RTN4RL1: variants seen among roughly 807,000 people sequenced by gnomAD.
RTN4RL1 encodes reticulon 4 receptor like 1.
RTN4RL1 carries 7 observed loss-of-function variants against 25.6 expected under a neutral mutation model. The observed-to-expected ratio is 0.27, with a 90% CI of 0.16 to 0.51. RTN4RL1 has a LOEUF of 0.51. RTN4RL1 is among the 20% of genes least tolerant of loss of function. The pLI is 0.97. For synonymous variants in RTN4RL1, 297 were observed against 288.2 expected (o/e 1.03, Z -0.31); for missense variants, 500 against 615.6 (o/e 0.81, Z 1.99).
intron 1 of RTN4RL1, among the ~76,000 whole-genome samples, chr17:1,986,231 C>A (rs188191952): frequency 6.6e-6 from 1 of 152,024 alleles, no homozygotes; most frequent in East Asian, 1.9e-4. Context: ...GTGAAGGACT[C>A]GGTGAGGATT....
intron 1 of RTN4RL1, among the ~76,000 whole-genome samples, chr17:1,946,626 G>A (rs960477473): frequency 7.4e-5 from 11 of 149,456 alleles, no homozygotes; most frequent in Admixed American, 2.0e-4. Flanking sequence ...CTGTGTGCAC[G>A]TGTGTCTGTG....
chr17:1,959,358 G>A (rs554751495), intron 1 of RTN4RL1, among the ~76,000 whole-genome samples: 3 of 152,268 alleles, frequency 2.0e-5, no homozygotes, highest in Non-Finnish European at 4.4e-5. Context: ...GACACAGTTG[G>A]CCCTCCCCTC....
intron 1 of RTN4RL1, among the ~76,000 whole-genome samples, chr17:1,997,749 C>G (rs560243483): frequency 3.3e-5 from 5 of 152,234 alleles, no homozygotes; most frequent in Non-Finnish European, 5.9e-5. Context: ...ATCCAAGCCC[C>G]TGCTGGCTTT....
rs1232121688 is a variant in RTN4RL1, at chr17:1,943,877, T to C, written c.14-6069A>G. Among the ~76,000 whole-genome samples the C allele has an allele frequency of 2.6e-5, 4 of 152,156 alleles. No individual in the cohort carries two copies. The East Asian group carries it at 7.7e-4, about 29-fold the overall frequency. ...GGGCAGGGGCTCCTTGTCCATGGCA[T>C]AGGGCATTGGAAAGAGCACAAGCTT... On this transcript the variant is annotated intron_variant, in intron 1 of 1. Transcript: ENST00000331238.
intron 1 of RTN4RL1, among the ~76,000 whole-genome samples, chr17:2,011,258 A>C (rs1331347915): frequency 6.6e-6 from 1 of 152,238 alleles, no homozygotes; most frequent in Non-Finnish European, 1.5e-5. Context: ...TCTCAAAAAA[A>C]TAAAATGAAA....
At chr17:1,965,950 C>T (rs981228781) in intron 1 of RTN4RL1, among the ~76,000 whole-genome samples, 4 of 152,142 alleles carry the variant, frequency 2.6e-5, no homozygotes, top group African/African-American at 9.7e-5. Flanking sequence ...AACACCCTCT[C>T]AGGCTCCCCA....
At chr17:1,964,741 A>AT (rs2066781570) in intron 1 of RTN4RL1, among the ~76,000 whole-genome samples, 5 of 150,228 alleles carry the variant, frequency 3.3e-5, no homozygotes, top group Admixed American at 1.3e-4. Context: ...CTAAAAAAAA[A>AT]TTTTTTTAAT....
At chr17:2,023,316 G>A (rs978255010) in intron 1 of RTN4RL1, among the ~76,000 whole-genome samples, 1 of 152,220 alleles carries the variant, frequency 6.6e-6, no homozygotes, top group Non-Finnish European at 1.5e-5. Context: ...GTTGCTGAAA[G>A]GACTTTTTGT....
intron 1 of RTN4RL1, among the ~76,000 whole-genome samples, chr17:2,005,615 CCAAG>C (rs1297283293): frequency 3.9e-5 from 6 of 152,040 alleles, no homozygotes; most frequent in Non-Finnish European, 5.9e-5. Context: ...TCCTGTGGTT[CCAAG>C]TACTCAGGAG....
chr17:1,997,815 C>G (rs982095307), intron 1 of RTN4RL1, among the ~76,000 whole-genome samples: 2 of 152,116 alleles, frequency 1.3e-5, no homozygotes, highest in South Asian at 2.1e-4. Context: ...TCCCCGCCCC[C>G]TTCACAGCCC....
At chr17:1,943,218 G>A (rs1915474572) in intron 1 of RTN4RL1, among the ~76,000 whole-genome samples, 1 of 152,258 alleles carries the variant, frequency 6.6e-6, no homozygotes, top group African/African-American at 2.4e-5. Flanking sequence ...TAAGGCACCG[G>A]CCACGGCACA....
In RTN4RL1 at chr17:1,971,961, CA is replaced by C. The variant is rs1323277246; in HGVS notation, c.14-34154del. On this transcript the variant is annotated intron_variant, in intron 1 of 1. Coordinates refer to ENST00000331238, the MANE Select transcript of RTN4RL1 (RefSeq NM_178568.4). Reference sequence around the variant, plus strand: ...TGGGCGACAGAGCCAGACTCCCTCTCAAAAAAAAAAAAAAAAAATTTTAAAC... The same window carrying C: ...TGGGCGACAGAGCCAGACTCCCTCTCAAAAAAAAAAAAAAAAATTTTAAAC... Among the ~76,000 whole-genome samples, 578 of 59,840 alleles carry C rather than the reference CA, an allele frequency of 9.7e-3. 10 individuals carry two copies. The highest frequency in any genetic ancestry group is 0.018 in the African/African-American group (273 of 15,086). The allele number at this position is 59,840 out of a possible 152,430, so 39.3% of individuals were successfully genotyped here.
intron 1 of RTN4RL1, among the ~76,000 whole-genome samples, chr17:1,950,024 G>A (rs1452700717): frequency 6.6e-6 from 1 of 152,242 alleles, no homozygotes; most frequent in Non-Finnish European, 1.5e-5. Flanking sequence ...CAGGAGCCAG[G>A]CCTCGTATGG....
chr17:1,999,998 C>G (rs1208040189), intron 1 of RTN4RL1, among the ~76,000 whole-genome samples: 1 of 152,262 alleles, frequency 6.6e-6, no homozygotes, highest in Non-Finnish European at 1.5e-5. Flanking sequence ...GGTCCCTGGG[C>G]CTGGATGGGT....
rs539272833 is a variant in RTN4RL1, at chr17:2,002,432, A to G, written c.13+22421T>C. On this transcript the variant is annotated intron_variant, in intron 1 of 1. Transcript: ENST00000331238. ...CTCAGCCTCCCGAGTAGCTGGGACTACAGGCGCCCGCCACCTCGCCTGGCT... is the reference window on the plus strand; with the variant it reads ...CTCAGCCTCCCGAGTAGCTGGGACTGCAGGCGCCCGCCACCTCGCCTGGCT... Among the ~76,000 whole-genome samples the G allele has an allele frequency of 1.1e-4, 16 of 150,454 alleles. No homozygotes were observed. The East Asian group carries it at 2.9e-3, about 28-fold the overall frequency.
chr17:2,025,006 G>T lies in RTN4RL1; in HGVS notation c.-141C>A. The T allele has an allele frequency of 2.3e-6, 2 of 859,706 alleles. No homozygotes were observed. Among genetic ancestry groups the T allele is most frequent in the Non-Finnish European group, 3.5e-6 (2 of 574,820 alleles). The allele number at this position is 859,706 out of a possible 1,614,324, so 53.3% of individuals were successfully genotyped here. On this transcript the variant is annotated 5_prime_UTR_variant, in exon 1 of 2. Transcript: ENST00000331238. The surrounding 1 kb of genome is among the most constrained non-coding windows in gnomAD (Gnocchi z 4.8). ...GCCGGGGATCCGCTCGTGCCCGGTG[G>T]CCCGGCCCCGCAGGGGCATGGTGAG... is the stretch of plus-strand genomic sequence containing the variant.
intron 1 of RTN4RL1, among the ~76,000 whole-genome samples, chr17:1,952,187 G>A (rs1157082482): frequency 1.3e-5 from 2 of 152,146 alleles, no homozygotes; most frequent in Admixed American, 1.3e-4. Flanking sequence ...GGGTCCAGCT[G>A]CCATCATGCA....
In RTN4RL1 at chr17:1,956,541, C is replaced by T. The variant is rs540510792; in HGVS notation, c.14-18733G>A. The stretch of plus-strand genomic sequence containing the variant: ...CAGAAGAGGGATGCGGTAACAGGCA[C>T]GATGTTTAGAGACTGCAGAGTATCC... On this transcript the variant is annotated intron_variant, in intron 1 of 1. Transcript: ENST00000331238. 7.2e-4 allele frequency among the ~76,000 whole-genome samples: 110 copies of T among 152,210 alleles called. 1 individual carries two copies. In the South Asian group the frequency reaches 7.7e-3, roughly 11 times the overall value.
At chr17:2,020,157 A>T (rs1359948544) in intron 1 of RTN4RL1, 2 of 152,170 alleles carry the variant, frequency 1.3e-5, no homozygotes, top group African/African-American at 4.8e-5. Flanking sequence ...ACTGGGACAG[A>T]AATGGGCTGG....
Sources: allele counts gnomAD v4.1 joint callset (sites outside exome capture counted in the v4.1 genomes callset), GRCh38; gene constraint gnomAD v4.1.1; non-coding constraint Gnocchi (gnomAD v3.1); transcripts MANE v1.5; gene names NCBI Gene and HGNC (gene_info 2026-07-23, HGNC 2026-07-21).